COL17A1: variants seen among roughly 807,000 people sequenced by gnomAD.
The protein encoded by COL17A1 is collagen alpha-1(XVII) chain.
Under a neutral mutation model 218.4 loss-of-function variants are expected in COL17A1, and 181 were observed. The ratio of observed to expected loss-of-function variants is 0.83; its 90% CI spans 0.73 to 0.94. The LOEUF is 0.94. COL17A1 is among the 40% of genes least tolerant of loss of function. The pLI is 0.00. For synonymous variants in COL17A1, 721 were observed against 731.0 expected (o/e 0.99, Z 0.22); for missense variants, 1,924 against 1,945.9 (o/e 0.99, Z 0.21).
intron 25 of COL17A1, among the ~76,000 whole-genome samples, 153 bp downstream of exon 25, chr10:104,051,328 C>T (rs1000142342): frequency 2.6e-5 from 4 of 152,238 alleles, no homozygotes; most frequent in African/African-American, 9.6e-5. Context: ...CCAACCTCTG[C>T]CACAGGAGAC....
At chr10:104,048,046 G>A (rs779197412) in intron 30 of COL17A1, 23 bp downstream of exon 30, 1 of 1,614,122 alleles carries the variant, frequency 6.2e-7, no homozygotes, top group South Asian at 1.1e-5. Flanking sequence ...AGTGAGGCTG[G>A]GGGCAGCAGA....
intron 17 of COL17A1, among the ~76,000 whole-genome samples, chr10:104,056,357 C>T (rs1047516298): frequency 2.0e-5 from 3 of 152,042 alleles, no homozygotes; most frequent in Non-Finnish European, 4.4e-5. Flanking sequence ...CCAAGGGGGG[C>T]AGATCACGGG....
chr10:104,082,687 C>T (rs2086775265), intron 1 of COL17A1, among the ~76,000 whole-genome samples: 1 of 152,172 alleles, frequency 6.6e-6, no homozygotes, highest in Non-Finnish European at 1.5e-5. Context: ...GACTTGCAGC[C>T]ATTTAGGCAG....
chr10:104,078,578 C>T lies in COL17A1; in HGVS notation c.61G>A (p.Glu21Lys). ...GATGTAAGTCTTGTGGTTACTGTTT[C>T]AGTGACAACTAGAAAAAGACAAAGA... ...GTEVTERIVT[E>K]TVTTRLTSLP... Residue 21 changes from glutamate to lysine, a missense_variant, in exon 3 of 56, where the codon GAA (glutamate) becomes AAA (lysine). Glu to Lys is a moderately conservative substitution (Grantham distance 56). Transcript: ENST00000648076. 6.2e-7 allele frequency: 1 copy of T among 1,614,144 alleles called. No individual in the cohort carries two copies. Among genetic ancestry groups the T allele is most frequent in the Non-Finnish European group, 8.5e-7 (1 of 1,180,026 alleles).
At chr10:104,032,856 AG>A in intron 54 of COL17A1, 49 bp downstream of exon 54, 1 of 1,612,666 alleles carries the variant, frequency 6.2e-7, no homozygotes, top group South Asian at 1.1e-5. Context: ...TTTCAGTACG[AG>A]GTGGGTGTTA....
chr10:104,055,127 CG>C (rs1216633363), intron 19 of COL17A1, 120 bp from the exon 20 acceptor site: 5 of 1,541,712 alleles, frequency 3.2e-6, no homozygotes, highest in Non-Finnish European at 3.5e-6. Context: ...AGGCGACATG[CG>C]GCGAGTCCCT....
rs373096950 is a variant in COL17A1, at chr10:104,037,710, C to T, written c.3134G>A (p.Gly1045Glu). ...QGPPGPPGPP[G>E]PVTTITGETF... ...CTCGCCTGTGATGGTGGTGACAGGT[C>T]CTGGGGGACCAGGTGGGCCTGGGGG... is the stretch of plus-strand genomic sequence containing the variant. The change falls in exon 46 of 56, where the codon GGA becomes GAA. Residue 1045 changes from glycine (G) to glutamate (E), a missense_variant. Coordinates refer to ENST00000648076, the MANE Select transcript of COL17A1 (RefSeq NM_000494.4). 5 of 1,613,980 alleles carry T rather than the reference C, an allele frequency of 3.1e-6. No individual in the cohort carries two copies. Among genetic ancestry groups the T allele is most frequent in the Admixed American group, 1.7e-5 (1 of 59,998 alleles).
intron 51 of COL17A1, 49 bp from the exon 52 acceptor site, chr10:104,034,383 G>A: frequency 5.9e-6 from 9 of 1,527,262 alleles, no homozygotes; most frequent in Non-Finnish European, 7.9e-6. Flanking sequence ...TCGGTGGAGA[G>A]AAAGACTTGG....
intron 13 of COL17A1, 81 bp downstream of exon 13, chr10:104,061,324 A>G: frequency 7.3e-7 from 1 of 1,365,878 alleles, no homozygotes; most frequent in South Asian, 1.2e-5. Flanking sequence ...TGTGTATTGG[A>G]AGGATACACA....
intron 9 of COL17A1, among the ~76,000 whole-genome samples, chr10:104,066,458 T>C (rs1044030671): frequency 1.3e-4 from 20 of 152,128 alleles, no homozygotes; most frequent in Admixed American, 4.6e-4. Flanking sequence ...CAGACGAGGA[T>C]TGGGTGTGCC....
At chr10:104,071,699 C>G (rs1254594897) in intron 8 of COL17A1, among the ~76,000 whole-genome samples, 1 of 152,058 alleles carries the variant, frequency 6.6e-6, no homozygotes, top group Non-Finnish European at 1.5e-5. Context: ...CCCGGGAAGT[C>G]TTCTCTGGCC....
rs75290777 is a variant in COL17A1, at chr10:104,059,647, C to T, written c.1213G>A (p.Glu405Lys). Residue 405 changes from glutamate (E) to lysine (K), a missense_variant, in exon 15 of 56, where the codon GAA becomes AAA. Glu to Lys is a moderately conservative substitution (Grantham distance 56). Coordinates refer to ENST00000648076, the MANE Select transcript of COL17A1 (RefSeq NM_000494.4). ...TCATATTTGTTCTTACCATTAGCTT[C>T]GGCTTTTAGGCCTGAGTCAGCATTG... is the stretch of plus-strand genomic sequence containing the variant. ...AYNADSGLKA[E>K]ANGDLKTVST... 79 of 1,614,124 alleles carry T rather than the reference C, an allele frequency of 4.9e-5. No individual in the cohort carries two copies. The highest frequency in any genetic ancestry group is 3.0e-4 in the South Asian group (27 of 91,080).
At chr10:104,036,937 C>T (rs1314360312) in intron 47 of COL17A1, 108 bp downstream of exon 47, 14 of 1,073,138 alleles carry the variant, frequency 1.3e-5, no homozygotes, top group Non-Finnish European at 2.0e-5. Context: ...ACTCTGCCTC[C>T]CTCTTGCAGC....
chr10:104,066,683 G>T (rs2086628958), intron 9 of COL17A1, among the ~76,000 whole-genome samples: 1 of 152,234 alleles, frequency 6.6e-6, no homozygotes, highest in South Asian at 2.1e-4. Context: ...AGGGAGATCA[G>T]GGAGTAACAG....
Sources: allele counts gnomAD v4.1 joint callset (sites outside exome capture counted in the v4.1 genomes callset), GRCh38; gene constraint gnomAD v4.1.1; transcripts MANE v1.5; gene names NCBI Gene and HGNC (gene_info 2026-07-23, HGNC 2026-07-21).